The following AKAP13 variants were observed in gnomAD, a reference collection of about 807,000 sequenced individuals.
AKAP13 encodes A-kinase anchor protein 13.
AKAP13 carries 80 observed loss-of-function variants against 264.5 expected under a neutral mutation model. The observed-to-expected ratio is 0.30, with a 90% CI of 0.25 to 0.36. AKAP13 has a LOEUF of 0.36. Ranked by LOEUF, AKAP13 falls within the 10% of genes least tolerant of loss-of-function variation. The probability of loss-of-function intolerance (pLI) is 1.00; values close to 1 mark genes in which losing one functional copy is unlikely to be tolerated. For missense variants in AKAP13, 3,712 were observed against 3,435.2 expected, an observed-to-expected ratio of 1.08 and a Z score of -2.01; for synonymous variants, 1,380 against 1,250.2, an observed-to-expected ratio of 1.10 and a Z score of -2.19.
chr15:85,706,208 G>GA (rs2086243561), intron 17 of AKAP13, among the ~76,000 whole-genome samples: 1 of 152,156 alleles, frequency 6.6e-6, no homozygotes. Flanking sequence ...GGGAGAGGAA[G>GA]AAACCAGAAA....
intron 17 of AKAP13, among the ~76,000 whole-genome samples, chr15:85,697,580 G>A (rs1449012087): frequency 6.6e-6 from 1 of 151,910 alleles, no homozygotes; most frequent in Non-Finnish European, 1.5e-5. Context: ...AAAAAAGAAA[G>A]AAAATTACTA....
chr15:85,452,747 T>A (rs1042880586), intron 1 of AKAP13, among the ~76,000 whole-genome samples: 27 of 152,288 alleles, frequency 1.8e-4, no homozygotes, highest in African/African-American at 6.5e-4. Context: ...CCCCTATGTT[T>A]CCTCACAGTT....
intron 5 of AKAP13, among the ~76,000 whole-genome samples, chr15:85,573,590 A>C (rs1016526926): frequency 2.1e-5 from 3 of 142,376 alleles, no homozygotes; most frequent in African/African-American, 9.1e-5. Flanking sequence ...ATGATATGGG[A>C]TATTCAAAGG....
At chr15:85,450,315 TTAA>T (rs2074039564) in intron 1 of AKAP13, among the ~76,000 whole-genome samples, 1 of 151,762 alleles carries the variant, frequency 6.6e-6, no homozygotes, top group Non-Finnish European at 1.5e-5. Context: ...TCTTTTCTTC[TTAA>T]TTAGTTTAGC....
intron 17 of AKAP13, among the ~76,000 whole-genome samples, chr15:85,703,077 T>TA (rs1473674519): frequency 6.6e-6 from 1 of 152,174 alleles, no homozygotes; most frequent in Non-Finnish European, 1.5e-5. Flanking sequence ...TTCTTTTACA[T>TA]AAAAAATAAA....
At chr15:85,736,781 A>C (rs2088552807) in intron 33 of AKAP13, among the ~76,000 whole-genome samples, 1 of 152,160 alleles carries the variant, frequency 6.6e-6, no homozygotes, top group Admixed American at 6.5e-5. Flanking sequence ...CACTGAGTAG[A>C]ATTCATAGCA....
chr15:85,457,808 T>C lies in AKAP13; in HGVS notation c.-11-27902T>C, dbSNP rs1190950331. ...AAGAGAGATTTGAATGTTTGCTCCG[T>C]AGAAGTAGGTCTCTTCCAGGGGTGA... On this transcript the variant is annotated intron_variant, in intron 1 of 36. Transcript: ENST00000394518. Among the ~76,000 whole-genome samples the C allele has an allele frequency of 2.4e-4, 36 of 152,146 alleles. 1 individual carries two copies. The highest frequency in any genetic ancestry group is 2.4e-3 in the Admixed American group (36 of 15,274).
intron 9 of AKAP13, among the ~76,000 whole-genome samples, chr15:85,643,137 A>AT (rs1343563967): frequency 8.5e-4 from 125 of 147,668 alleles, no homozygotes; most frequent in African/African-American, 2.4e-3. Flanking sequence ...GACTAAGGTG[A>AT]TTTTTTTTTT....
intron 2 of AKAP13, among the ~76,000 whole-genome samples, chr15:85,515,967 A>G (rs1041044881): frequency 1.1e-5 from 1 of 88,338 alleles, no homozygotes; most frequent in South Asian, 2.8e-4. Flanking sequence ...CTTCTTTAAC[A>G]TTTTAAACAT....
chr15:85,654,227 A>G (rs529879668), intron 10 of AKAP13, among the ~76,000 whole-genome samples: 54 of 152,358 alleles, frequency 3.5e-4, no homozygotes, highest in African/African-American at 1.3e-3. Flanking sequence ...TTCCATTTAG[A>G]TATTTGTAAC....
intron 1 of AKAP13, among the ~76,000 whole-genome samples, chr15:85,414,045 G>A (rs1203289345): frequency 6.6e-6 from 1 of 152,116 alleles, no homozygotes; most frequent in Non-Finnish European, 1.5e-5. Context: ...GTTATAGCCT[G>A]AAAAGCAGAG....
intron 35 of AKAP13, among the ~76,000 whole-genome samples, chr15:85,742,621 C>T (rs1406464008): frequency 1.3e-5 from 2 of 152,238 alleles, no homozygotes; most frequent in African/African-American, 4.8e-5. Context: ...TCTATAGCTG[C>T]TGCTTATATT....
At position 85,743,769 on chromosome 15, in the gene AKAP13, C is replaced by G; in HGVS notation, c.8336C>G (p.Pro2779Arg). ...ACCCGCCTGTTTGGGTTAACAAAGC[C>G]AAAGGAAAAGAAGGAGAAAAAAAAG... is the stretch of plus-strand genomic sequence containing the variant. ...ASTRLFGLTK[P>R]KEKKEKKKKN... The change falls in exon 36 of 37, where the codon CCA (proline) becomes CGA (arginine). Residue 2779 changes from proline to arginine, a missense_variant. Coordinates refer to ENST00000394518, the MANE Select transcript of AKAP13 (RefSeq NM_007200.5). The G allele has an allele frequency of 6.2e-7, 1 of 1,613,310 alleles. No individual in the cohort carries two copies. The highest frequency in any genetic ancestry group is 8.5e-7 in the Non-Finnish European group (1 of 1,179,818).
chr15:85,589,710 G>GAAAA (rs59703416), intron 8 of AKAP13, among the ~76,000 whole-genome samples: 3 of 99,874 alleles, frequency 3.0e-5, no homozygotes, highest in South Asian at 3.4e-4. Flanking sequence ...ACTCTGTCTT[G>GAAAA]AAAAAAAAAA....
chr15:85,713,887 C>A (rs1008604708), intron 19 of AKAP13, among the ~76,000 whole-genome samples: 2 of 152,130 alleles, frequency 1.3e-5, no homozygotes, highest in Non-Finnish European at 2.9e-5. Flanking sequence ...TCCCAAGTGC[C>A]AGCGTGACCA....
At chr15:85,611,874 C>A (rs2080645404) in intron 8 of AKAP13, among the ~76,000 whole-genome samples, 1 of 152,138 alleles carries the variant, frequency 6.6e-6, no homozygotes, top group Admixed American at 6.5e-5. Context: ...TGCCTCCCTA[C>A]AGCACCATCC....
chr15:85,409,715 C>T (rs2071860373), intron 1 of AKAP13, among the ~76,000 whole-genome samples: 1 of 149,964 alleles, frequency 6.7e-6, no homozygotes, highest in South Asian at 2.1e-4. Flanking sequence ...ACTGCAAGCT[C>T]CGCCTCCTGG....
chr15:85,745,025 T>C lies in AKAP13; in HGVS notation c.*348T>C, dbSNP rs1036483160. ...TGAAAGAGTGTATCCAAGTAAGGTCTGAACCTCCGAATGCCTTTTATTTGG... is the reference window on the plus strand; with the variant it reads ...TGAAAGAGTGTATCCAAGTAAGGTCCGAACCTCCGAATGCCTTTTATTTGG... On this transcript the variant is annotated 3_prime_UTR_variant, in exon 37 of 37. Coordinates refer to ENST00000394518, the MANE Select transcript of AKAP13 (RefSeq NM_007200.5). 4.7e-6 allele frequency: 1 copy of C among 214,206 alleles called. No homozygotes were observed. The highest frequency in any genetic ancestry group is 1.3e-4 in the South Asian group (1 of 7,880). 13.3% of individuals were successfully genotyped at this position (214,206 alleles called of 1,614,324 possible).
At chr15:85,508,617 A>C (rs772509968) in intron 2 of AKAP13, among the ~76,000 whole-genome samples, 2 of 152,058 alleles carry the variant, frequency 1.3e-5, no homozygotes, top group Non-Finnish European at 2.9e-5. Flanking sequence ...TGTTCTCCGC[A>C]GAGGAACCAC....
Sources: allele counts gnomAD v4.1 joint callset (sites outside exome capture counted in the v4.1 genomes callset), GRCh38; gene constraint gnomAD v4.1.1; transcripts MANE v1.5; gene names NCBI Gene and HGNC (gene_info 2026-07-23, HGNC 2026-07-21).